The following OXNAD1 variants were observed in gnomAD, a reference collection of about 807,000 sequenced individuals.
The protein encoded by OXNAD1 is oxidoreductase NAD-binding domain-containing protein 1.
A neutral mutation model predicts 32.9 loss-of-function variants in OXNAD1; 34 were observed. The observed-to-expected ratio is 1.03, with a 90% CI of 0.79 to 1.38. OXNAD1 has a LOEUF of 1.38. Among genes scored for constraint, OXNAD1 ranks in the 40% most tolerant of loss-of-function variants. The pLI is 0.00. For synonymous variants in OXNAD1, 134 were observed against 135.2 expected (o/e 0.99, Z 0.06); for missense variants, 407 against 379.4 (o/e 1.07, Z -0.60).
In OXNAD1 at chr3:16,298,937, A is replaced by G. The variant is rs1011032536; in HGVS notation, c.433-2689A>G. 1.3e-5 allele frequency among the ~76,000 whole-genome samples: 2 copies of G among 152,226 alleles called. No individual in the cohort carries two copies. The highest frequency in any genetic ancestry group is 4.8e-5 in the African/African-American group (2 of 41,462). ...ACCCTCGCAGTTTTTATTGATCAAC[A>G]AAAAGACAAAGATGGCTTTTAATTC... On this transcript the variant is annotated intron_variant, in intron 6 of 8. Transcript: ENST00000285083. The surrounding 1 kb of genome is among the most constrained non-coding windows in gnomAD (Gnocchi z 5.1).
Position 16,291,866 on chromosome 3 carries a change from T to A in OXNAD1, c.291-2990T>A, listed in dbSNP as rs78922396. On this transcript the variant is annotated intron_variant, in intron 5 of 8. Coordinates refer to ENST00000285083, the MANE Select transcript of OXNAD1 (RefSeq NM_138381.5). ...TACATTCCCACCAGCAATGTATAAA[T>A]GTTCCAATTTCTCCAGACCCTAACA... 2.6e-5 allele frequency among the ~76,000 whole-genome samples: 4 copies of A among 152,338 alleles called. No individual in the cohort carries two copies. In the East Asian group the frequency reaches 7.7e-4, roughly 29 times the overall value.
chr3:16,292,823 A>G (rs1456107551), intron 5 of OXNAD1, among the ~76,000 whole-genome samples: 1 of 152,182 alleles, frequency 6.6e-6, no homozygotes, highest in Non-Finnish European at 1.5e-5. Flanking sequence ...TCTAAAATCA[A>G]TTCACCATGA....
chr3:16,329,620 G>A lies in OXNAD1; in HGVS notation c.*31-7492G>A, dbSNP rs1229625676. On this transcript the variant is annotated intron_variant, in intron 9 of 9. Coordinates refer to the OXNAD1 transcript ENST00000435829. The surrounding 1 kb of genome is among the most constrained non-coding windows in gnomAD (Gnocchi z 4.5). ...GCCACGCTCACCACCTGCTGAAGGA[G>A]TCCTGAGGCTGCTTTATCCTGAGAA... Among the ~76,000 whole-genome samples, 1 of 152,184 alleles carries A rather than the reference G, an allele frequency of 6.6e-6. No individual in the cohort carries two copies. Among genetic ancestry groups the A allele is most frequent in the South Asian group, 2.1e-4 (1 of 4,834 alleles).
downstream of OXNAD1, among the ~76,000 whole-genome samples, chr3:16,351,941 C>G (rs2072132830): frequency 6.6e-6 from 1 of 152,082 alleles, no homozygotes; most frequent in Admixed American, 6.5e-5. The surrounding 1 kb of genome is among the most constrained non-coding windows in gnomAD (Gnocchi z 5.4). Context: ...TTTAAAGAAA[C>G]TGACACTGGG....
In OXNAD1 at chr3:16,312,891, T is replaced by C. The variant is rs1220256236; in HGVS notation, c.*30+9299T>C. Reference sequence around the variant, plus strand: ...GGCATTTGACTAATGTTTACCTTTTTGTTACTTATAAACCATTGATAAATA... The same window carrying C: ...GGCATTTGACTAATGTTTACCTTTTCGTTACTTATAAACCATTGATAAATA... On this transcript the variant is annotated intron_variant, in intron 9 of 9. Transcript: ENST00000435829. The surrounding 1 kb of genome is among the most constrained non-coding windows in gnomAD (Gnocchi z 4.7). 6.6e-6 allele frequency among the ~76,000 whole-genome samples: 1 copy of C among 152,252 alleles called. No individual in the cohort carries two copies. Among genetic ancestry groups the C allele is most frequent in the Non-Finnish European group, 1.5e-5 (1 of 68,046 alleles).
Position 16,294,859 on chromosome 3 carries a change from TG to T in OXNAD1, c.295del (p.Asp99IlefsTer22). On this transcript the variant is annotated frameshift_variant, in exon 6 of 9. Transcript: ENST00000285083. LOFTEE classifies it high-confidence loss of function. ...DFSFKAGQWV[D>X]FFIPGVSVVG... ...ATTTATTTGGCTTTCTTTTTAGGGTTGATTTCTTTATTCCAGGAGTCTCTGT... is the reference window on the plus strand; with the variant it reads ...ATTTATTTGGCTTTCTTTTTAGGGTTATTTCTTTATTCCAGGAGTCTCTGT... The T allele has an allele frequency of 6.2e-7, 1 of 1,608,758 alleles. No homozygotes were observed. Among genetic ancestry groups the T allele is most frequent in the Non-Finnish European group, 8.5e-7 (1 of 1,178,150 alleles).
At chr3:16,331,001 A>G (rs967041650) in intron 9 of OXNAD1, among the ~76,000 whole-genome samples, 4 of 152,214 alleles carry the variant, frequency 2.6e-5, no homozygotes, top group African/African-American at 9.7e-5. Flanking sequence ...TTGAAAGAAA[A>G]TATTTTGCTC....
At chr3:16,313,150 A>G (rs1054426868) in intron 9 of OXNAD1, among the ~76,000 whole-genome samples, 7 of 148,674 alleles carry the variant, frequency 4.7e-5, no homozygotes, top group Admixed American at 1.3e-4. Flanking sequence ...GGCTCAAGCA[A>G]TTCTCTCACT....
At chr3:16,311,353 G>T (rs879308905) in intron 9 of OXNAD1, among the ~76,000 whole-genome samples, 3 of 151,890 alleles carry the variant, frequency 2.0e-5, no homozygotes, top group Non-Finnish European at 4.4e-5. Flanking sequence ...ATGCCACCAC[G>T]CCTAATTTTT....
downstream of OXNAD1, among the ~76,000 whole-genome samples, chr3:16,309,483 C>T (rs1033789843): frequency 8.7e-6 from 1 of 115,414 alleles, no homozygotes; most frequent in African/African-American, 3.4e-5. Flanking sequence ...ATTTTTTTAA[C>T]TAACAATTTT....
chr3:16,319,489 T>C (rs73142351), intron 9 of OXNAD1, among the ~76,000 whole-genome samples: 6,703 of 152,320 alleles, frequency 0.044, 449 homozygotes, highest in African/African-American at 0.15. Flanking sequence ...CAGGGCCCCA[T>C]TCATATTGTA....
chr3:16,333,503 T>C (rs1191564789), intron 9 of OXNAD1, among the ~76,000 whole-genome samples: 6 of 152,218 alleles, frequency 3.9e-5, no homozygotes, highest in Admixed American at 2.6e-4. Context: ...TTTAGTTTCA[T>C]TTCATGAGGA....
rs58709098 is a variant in OXNAD1, at chr3:16,316,528, A to C, written c.*30+12936A>C. ...CGAGGACAGGCACTGGATGGTCCAGACCCTCTGGCTGGAGGAGTGGTGGAG... is the reference window on the plus strand; with the variant it reads ...CGAGGACAGGCACTGGATGGTCCAGCCCCTCTGGCTGGAGGAGTGGTGGAG... On this transcript the variant is annotated intron_variant, in intron 9 of 9. Transcript: ENST00000435829. This position sits in a 1 kb window ranked among gnomAD's most constrained non-coding sequence, Gnocchi z 4.5. The C allele has an allele frequency of 0.021, 9,161 of 437,558 alleles. 693 individuals carry two copies. Among genetic ancestry groups the C allele is most frequent in the African/African-American group, 0.17 (8,414 of 49,812 alleles). 27.1% of individuals were successfully genotyped at this position (437,558 alleles called of 1,614,324 possible). A position where few individuals can be genotyped will look rare whatever the true frequency, so the allele number is the denominator to read the frequency against.
At chr3:16,295,127 C>T (rs1302677921) in intron 6 of OXNAD1, 130 bp downstream of exon 6, 1 of 1,142,046 alleles carries the variant, frequency 8.8e-7, no homozygotes, top group African/African-American at 1.6e-5. Flanking sequence ...GAAAGAGCTT[C>T]TAAGAAAGGT....
downstream of OXNAD1, among the ~76,000 whole-genome samples, chr3:16,309,044 G>A (rs1384598480): frequency 6.6e-6 from 1 of 152,146 alleles, no homozygotes; most frequent in Non-Finnish European, 1.5e-5. Flanking sequence ...AGGAACTTCT[G>A]TATAAAAAAC....
chr3:16,339,712 T>G (rs539790434), downstream of OXNAD1: 3 of 152,370 alleles, frequency 2.0e-5, no homozygotes, highest in African/African-American at 4.8e-5. Context: ...TTCCACATAT[T>G]GATCATGACT....
chr3:16,311,457 CT>C (rs757387367), intron 9 of OXNAD1, among the ~76,000 whole-genome samples: 1 of 152,162 alleles, frequency 6.6e-6, no homozygotes, highest in Non-Finnish European at 1.5e-5. Context: ...GGTATAAAGA[CT>C]TCACTTTTAG....
intron 9 of OXNAD1, among the ~76,000 whole-genome samples, chr3:16,313,913 G>A (rs1484925652): frequency 6.6e-6 from 1 of 152,124 alleles, no homozygotes; most frequent in African/African-American, 2.4e-5. Context: ...GATTAGATAA[G>A]AATTCTTCTT....
At chr3:16,328,720 C>T (rs1052660234) in intron 9 of OXNAD1, among the ~76,000 whole-genome samples, 3 of 152,090 alleles carry the variant, frequency 2.0e-5, no homozygotes, top group Admixed American at 1.3e-4. Context: ...GGAGTAGGGC[C>T]CCGGAATCTG....
Sources: allele counts gnomAD v4.1 joint callset (sites outside exome capture counted in the v4.1 genomes callset), GRCh38; gene constraint gnomAD v4.1.1; non-coding constraint Gnocchi (gnomAD v3.1); transcripts MANE v1.5; gene names NCBI Gene and HGNC (gene_info 2026-07-23, HGNC 2026-07-21).